The following FAM118B variants were observed in gnomAD, a reference collection of about 807,000 sequenced individuals.
The protein encoded by FAM118B is SIR2 antiphage like 1.
FAM118B carries 24 observed loss-of-function variants against 38.5 expected under a neutral mutation model. That is an observed-to-expected ratio of 0.62 (90% CI 0.45 to 0.88). The LOEUF (loss-of-function observed/expected upper bound fraction) is 0.88. Among genes scored for constraint, FAM118B ranks in the 40% least tolerant of loss-of-function variants. FAM118B has a pLI of 0.00. For missense variants in FAM118B, 334 were observed against 420.0 expected (o/e 0.80, Z 1.79); for synonymous variants, 138 against 156.3 (o/e 0.88, Z 0.87).
At chr11:126,251,498 G>A (rs928641237) in intron 5 of FAM118B, among the ~76,000 whole-genome samples, 1 of 152,108 alleles carries the variant, frequency 6.6e-6, no homozygotes, top group Admixed American at 6.6e-5. Flanking sequence ...AGGATTTAAA[G>A]GGAATTGAAT....
At chr11:126,217,481 C>G (rs1259848713) in intron 1 of FAM118B, among the ~76,000 whole-genome samples, 5 of 152,234 alleles carry the variant, frequency 3.3e-5, no homozygotes, top group Non-Finnish European at 5.9e-5. Flanking sequence ...GTGTGTTCCT[C>G]CTGGTGTGTA....
chr11:126,255,299 G>C lies in FAM118B; in HGVS notation c.696+866G>C, dbSNP rs1246292563. Among the ~76,000 whole-genome samples the C allele has an allele frequency of 6.6e-6, 1 of 152,094 alleles. No homozygotes were observed. The highest frequency in any genetic ancestry group is 2.4e-5 in the African/African-American group (1 of 41,404). ...TAAGAATCTTGTTTGCTGTTTTCAG[G>C]ACTGGGTCATATAGATTATAGCATC... On this transcript the variant is annotated intron_variant, in intron 6 of 8. Coordinates refer to ENST00000533050, the MANE Select transcript of FAM118B (RefSeq NM_024556.4). This position sits in a 1 kb window ranked among gnomAD's most constrained non-coding sequence, Gnocchi z 4.6.
chr11:126,245,194 G>A (rs11220420), intron 4 of FAM118B: 2 of 151,842 alleles, frequency 1.3e-5, no homozygotes, highest in African/African-American at 4.8e-5. Context: ...AAATGGAGCA[G>A]GTCAAAACTC....
chr11:126,256,522 G>A lies in FAM118B; in HGVS notation c.697-45G>A. 1.3e-6 allele frequency: 2 copies of A among 1,582,918 alleles called. No individual in the cohort carries two copies. The highest frequency in any genetic ancestry group is 1.7e-6 in the Non-Finnish European group (2 of 1,159,188). On this transcript the variant is annotated intron_variant, in intron 6 of 8. Transcript: ENST00000533050. This position sits in a 1 kb window ranked among gnomAD's most constrained non-coding sequence, Gnocchi z 6.6. The stretch of plus-strand genomic sequence containing the variant: ...GACCTTCTTGTTTCAGACTTGCCTT[G>A]AGTGTGTCTTCACAATGTCAATATG...
chr11:126,218,286 T>C (rs1950008168), intron 1 of FAM118B, among the ~76,000 whole-genome samples: 1 of 152,212 alleles, frequency 6.6e-6, no homozygotes, highest in Non-Finnish European at 1.5e-5. Flanking sequence ...TGCCTCTGTC[T>C]GGATGTGTCT....
chr11:126,249,751 A>AAAAG (rs1197967376), intron 4 of FAM118B, among the ~76,000 whole-genome samples: 24 of 149,618 alleles, frequency 1.6e-4, no homozygotes, highest in African/African-American at 5.5e-4. Flanking sequence ...AAAAAAAAAA[A>AAAAG]AAAGAAAAAG....
chr11:126,220,784 T>C (rs1402763893), intron 1 of FAM118B, among the ~76,000 whole-genome samples: 1 of 152,182 alleles, frequency 6.6e-6, no homozygotes, highest in Non-Finnish European at 1.5e-5. Flanking sequence ...TCTTTGTAGT[T>C]GTTCTGATGG....
chr11:126,231,863 T>C (rs1186867296), intron 2 of FAM118B, among the ~76,000 whole-genome samples: 1 of 152,188 alleles, frequency 6.6e-6, no homozygotes, highest in East Asian at 1.9e-4. Flanking sequence ...TAGTGAGAAG[T>C]ATATAACAAA....
At position 126,224,031 on chromosome 11, in the gene FAM118B, G is replaced by A. The variant is rs1017700553; in HGVS notation, c.-76-5194G>A. Among the ~76,000 whole-genome samples, 7 of 152,210 alleles carry A rather than the reference G, an allele frequency of 4.6e-5. 1 individual carries two copies. The South Asian group carries it at 8.3e-4, about 18-fold the overall frequency. The stretch of plus-strand genomic sequence containing the variant: ...AAAAGCAGTTACAGGGTGTTCTTTC[G>A]TTTGAGTTAGTTTGTGAAATAAATA... On this transcript the variant is annotated intron_variant, in intron 1 of 8. Coordinates refer to ENST00000533050, the MANE Select transcript of FAM118B (RefSeq NM_024556.4).
chr11:126,256,149 T>C lies in FAM118B; in HGVS notation c.697-418T>C, dbSNP rs1950575331. 6.6e-6 allele frequency among the ~76,000 whole-genome samples: 1 copy of C among 151,966 alleles called. No homozygotes were observed. Among genetic ancestry groups the C allele is most frequent in the African/African-American group, 2.4e-5 (1 of 41,388 alleles). ...AGCTGGGTGTGGTGGTGCACACTTG[T>C]AATATACTCGGGAGGCTGAGGCATG... is the stretch of plus-strand genomic sequence containing the variant. On this transcript the variant is annotated intron_variant, in intron 6 of 8. Transcript: ENST00000533050. The surrounding 1 kb of genome is among the most constrained non-coding windows in gnomAD (Gnocchi z 6.6).
intron 4 of FAM118B, among the ~76,000 whole-genome samples, chr11:126,241,915 C>T (rs997186038): frequency 1.3e-5 from 2 of 150,844 alleles, no homozygotes; most frequent in Non-Finnish European, 2.9e-5. Context: ...ATCCCAGCTG[C>T]TCAGGAGGCT....
intron 2 of FAM118B, 106 bp downstream of exon 2, chr11:126,229,399 T>A (rs1950180841): frequency 6.6e-6 from 1 of 152,210 alleles, no homozygotes; most frequent in Admixed American, 6.5e-5. Context: ...TGCGTTACTT[T>A]GGCTTTATAA....
At chr11:126,236,537 T>C (rs1452121212) in intron 3 of FAM118B, among the ~76,000 whole-genome samples, 3 of 152,182 alleles carry the variant, frequency 2.0e-5, no homozygotes, top group Non-Finnish European at 4.4e-5. Flanking sequence ...TTATTCTCAG[T>C]AACCTGAAAT....
chr11:126,247,740 C>A (rs1234921560), intron 4 of FAM118B, among the ~76,000 whole-genome samples: 2 of 151,650 alleles, frequency 1.3e-5, no homozygotes, highest in Non-Finnish European at 2.9e-5. Context: ...CACCTGTAAT[C>A]CCAGCTACTC....
intron 1 of FAM118B, among the ~76,000 whole-genome samples, chr11:126,217,814 G>T (rs1055397020): frequency 6.6e-6 from 1 of 152,198 alleles, no homozygotes; most frequent in African/African-American, 2.4e-5. Context: ...TTGTTTGATA[G>T]TTTGGCAGTT....
At position 126,244,672 on chromosome 11, in the gene FAM118B, C is replaced by T. The variant is rs1026232894; in HGVS notation, c.339+3628C>T. On this transcript the variant is annotated intron_variant, in intron 4 of 8. Transcript: ENST00000533050. The surrounding 1 kb of genome is among the most constrained non-coding windows in gnomAD (Gnocchi z 4.5). ...TACAAAAATTAGCTGAGCATGATGG[C>T]GGGTGCCTATAATCCCAGCTACTCG... Among the ~76,000 whole-genome samples, 1 of 152,102 alleles carries T rather than the reference C, an allele frequency of 6.6e-6. No individual in the cohort carries two copies. Among genetic ancestry groups the T allele is most frequent in the South Asian group, 2.1e-4 (1 of 4,816 alleles).
upstream of FAM118B, chr11:126,211,754 G>T (rs894305735): frequency 1.5e-5 from 18 of 1,194,348 alleles, no homozygotes; most frequent in Non-Finnish European, 2.1e-5. Context: ...GGCGAGTCAC[G>T]TGGGGACGGT....
At chr11:126,220,529 C>T (rs1220980956) in intron 1 of FAM118B, among the ~76,000 whole-genome samples, 1 of 152,082 alleles carries the variant, frequency 6.6e-6, no homozygotes, top group Non-Finnish European at 1.5e-5. Context: ...GCCTGGTCAA[C>T]ATAGCAAGAG....
chr11:126,241,194 G>A, intron 4 of FAM118B, 150 bp downstream of exon 4: 1 of 826,070 alleles, frequency 1.2e-6, no homozygotes, highest in Non-Finnish European at 1.8e-6. Context: ...TGACTCTTCT[G>A]CGCAATGTCT....
Sources: allele counts gnomAD v4.1 joint callset (sites outside exome capture counted in the v4.1 genomes callset), GRCh38; gene constraint gnomAD v4.1.1; non-coding constraint Gnocchi (gnomAD v3.1); transcripts MANE v1.5; gene names NCBI Gene and HGNC (gene_info 2026-07-23, HGNC 2026-07-21).